HDGFL3: variants seen among roughly 807,000 people sequenced by gnomAD.
HDGFL3 encodes the protein HDGF like 3.
A neutral mutation model predicts 27.6 loss-of-function variants in HDGFL3; 6 were observed. That is an observed-to-expected ratio of 0.22 (90% CI 0.12 to 0.43). HDGFL3 has a LOEUF of 0.43. Among genes scored for constraint, HDGFL3 ranks in the 20% least tolerant of loss-of-function variants. HDGFL3 has a pLI of 1.00. For missense variants in HDGFL3, 207 were observed against 250.1 expected, an observed-to-expected ratio of 0.83 and a Z score of 1.16; for synonymous variants, 88 against 88.9, an observed-to-expected ratio of 0.99 and a Z score of 0.05.
chr15:83,164,036 T>C lies in HDGFL3; in HGVS notation c.124A>G (p.Asn42Asp). 1 of 1,611,738 alleles carries C rather than the reference T, an allele frequency of 6.2e-7. No individual in the cohort carries two copies. The highest frequency in any genetic ancestry group is 1.7e-5 in the Admixed American group (1 of 59,424). ...LPEGAVKPPA[N>D]KYPIFFFGTH... ...CCAAAAAAGAAGATAGGATACTTGT[T>C]TGCTGGAGGCTTCACAGCGCCCTCT... Residue 42 changes from asparagine (N) to aspartate (D), a missense_variant, in exon 2 of 6, where the codon AAC becomes GAC. By Grantham distance (23) the Asn-to-Asp change is conservative. Coordinates refer to ENST00000299633, the MANE Select transcript of HDGFL3 (RefSeq NM_016073.4).
In HDGFL3 at chr15:83,136,953, G is replaced by C. The variant is rs563764946; in HGVS notation, c.*2317C>G. On this transcript the variant is annotated 3_prime_UTR_variant, in exon 6 of 6. Transcript: ENST00000299633. ...TGTTTGACATATAAAATAATTATAA[G>C]TGTAAAAAATTACAATTTAGTGCCA... The C allele has an allele frequency of 3.5e-5, 8 of 227,376 alleles. No individual in the cohort carries two copies. Among genetic ancestry groups the C allele is most frequent in the Middle Eastern group, 3.2e-3 (2 of 618 alleles). The allele number at this position is 227,376 out of a possible 1,614,324, so 14.1% of individuals were successfully genotyped here.
chr15:83,184,523 TAATAA>T (rs2037416927), intron 1 of HDGFL3: 1 of 152,186 alleles, frequency 6.6e-6, no homozygotes, highest in Non-Finnish European at 1.5e-5. Context: ...TAATCACTGT[TAATAA>T]TATAATTACT....
rs1329454709 is a variant in HDGFL3, at chr15:83,132,217, C to T, written c.*7053G>A. On this transcript the variant is annotated 3_prime_UTR_variant, in exon 6 of 6. Coordinates refer to ENST00000299633, the MANE Select transcript of HDGFL3 (RefSeq NM_016073.4). Reference sequence around the variant, plus strand: ...ACAGCTATGTAACCCTTTGTTGCTACTATTACTGGTAGAAGATTCCCAGTA... The same window carrying T: ...ACAGCTATGTAACCCTTTGTTGCTATTATTACTGGTAGAAGATTCCCAGTA... 6.6e-6 allele frequency: 1 copy of T among 152,204 alleles called. No individual in the cohort carries two copies. Among genetic ancestry groups the T allele is most frequent in the East Asian group, 1.9e-4 (1 of 5,196 alleles). 9.4% of individuals were successfully genotyped at this position (152,204 alleles called of 1,614,324 possible). A position where few individuals can be genotyped will look rare whatever the true frequency, so the allele number is the denominator to read the frequency against.
chr15:83,145,176 C>T (rs923814802), intron 5 of HDGFL3, among the ~76,000 whole-genome samples: 1 of 152,072 alleles, frequency 6.6e-6, no homozygotes, highest in African/African-American at 2.4e-5. Context: ...TGCCCTTTAT[C>T]CTAGCTTACT....
At chr15:83,181,800 T>C (rs749386968) in intron 1 of HDGFL3, among the ~76,000 whole-genome samples, 9 of 152,138 alleles carry the variant, frequency 5.9e-5, no homozygotes, top group Non-Finnish European at 5.9e-5. Flanking sequence ...TTAAATTGAG[T>C]TGTCTGATCT....
At chr15:83,118,465 C>T (rs918307303) in intron 3 of HDGFL3, among the ~76,000 whole-genome samples, 7 of 152,166 alleles carry the variant, frequency 4.6e-5, no homozygotes, top group African/African-American at 1.4e-4. Context: ...AACCATAAAT[C>T]GGATGTATTC....
At chr15:83,196,863 G>A (rs2037576235) in intron 1 of HDGFL3, among the ~76,000 whole-genome samples, 2 of 152,180 alleles carry the variant, frequency 1.3e-5, no homozygotes, top group African/African-American at 4.8e-5. Flanking sequence ...TTTTCTCTAT[G>A]AAGTATGAAG....
At chr15:83,187,312 C>G (rs561302094) in intron 1 of HDGFL3, among the ~76,000 whole-genome samples, 1 of 151,868 alleles carries the variant, frequency 6.6e-6, no homozygotes, top group Non-Finnish European at 1.5e-5. Context: ...TAATCATATA[C>G]AAATGTTACA....
chr15:83,181,888 A>G (rs1485271776), intron 1 of HDGFL3, among the ~76,000 whole-genome samples: 3 of 152,202 alleles, frequency 2.0e-5, no homozygotes, highest in African/African-American at 7.2e-5. Flanking sequence ...CATAGATTCT[A>G]TTTTGAACAG....
chr15:83,199,499 T>C (rs922879651), intron 1 of HDGFL3, among the ~76,000 whole-genome samples: 1 of 152,176 alleles, frequency 6.6e-6, no homozygotes, highest in Non-Finnish European at 1.5e-5. Context: ...TGAGAAGTTA[T>C]TACTATGTGA....
intron 1 of HDGFL3, chr15:83,169,367 A>T (rs1239684491): frequency 9.4e-6 from 2 of 213,636 alleles, no homozygotes; most frequent in African/African-American, 5.3e-5. Flanking sequence ...GTGAGCCGAG[A>T]TCGCGCCACT....
At chr15:83,120,539 G>T (rs1465543127) in intron 3 of HDGFL3, among the ~76,000 whole-genome samples, 1 of 149,542 alleles carries the variant, frequency 6.7e-6, no homozygotes, top group Non-Finnish European at 1.5e-5. Flanking sequence ...GTTTACCCAA[G>T]TATCTCCCTC....
intron 1 of HDGFL3, among the ~76,000 whole-genome samples, chr15:83,197,862 C>T (rs945484947): frequency 6.6e-6 from 1 of 151,542 alleles, no homozygotes; most frequent in Admixed American, 6.6e-5. Context: ...GGCAAAACCC[C>T]ATCTCTACTA....
chr15:83,189,829 T>C (rs1278852695), intron 1 of HDGFL3, among the ~76,000 whole-genome samples: 1 of 152,222 alleles, frequency 6.6e-6, no homozygotes, highest in Non-Finnish European at 1.5e-5. Flanking sequence ...TCTGATTAAC[T>C]ACATTGAAAG....
intron 5 of HDGFL3, 119 bp from the exon 6 acceptor site, chr15:83,139,394 G>A (rs2036722892): frequency 2.0e-6 from 1 of 509,970 alleles, no homozygotes; most frequent in Non-Finnish European, 3.3e-6. Context: ...AATATGCACT[G>A]CAGCATTAAC....
rs747669782 is a variant in HDGFL3, at chr15:83,163,865, CATT to C, written c.161+131_161+133del. 3.8e-4 allele frequency: 241 copies of C among 629,188 alleles called. 2 individuals carry two copies. The highest frequency in any genetic ancestry group is 1.0e-3 in the Middle Eastern group (4 of 3,862). The allele number at this position is 629,188 out of a possible 1,614,324, so 39.0% of individuals were successfully genotyped here. On this transcript the variant is annotated intron_variant, in intron 2 of 5. Transcript: ENST00000299633. ...AAAACTATTTACATTAACAAAAATA[CATT>C]ATTAACTTTGGCAATTTTATATAAC...
intron 1 of HDGFL3, among the ~76,000 whole-genome samples, chr15:83,195,879 G>A (rs539893063): frequency 6.6e-6 from 1 of 152,114 alleles, no homozygotes; most frequent in East Asian, 1.9e-4. Context: ...GGATAAAGAT[G>A]TATTAGTGAA....
At chr15:83,115,545 AT>A in exon 4 of HDGFL3, 2 of 507,422 alleles carry the variant, frequency 3.9e-6, no homozygotes, top group Non-Finnish European at 7.5e-6. Context: ...GGAGTGGAGG[AT>A]GGGTGGAGTT....
At chr15:83,126,838 T>C, downstream of HDGFL3, 1 of 1,612,122 alleles carries the variant, frequency 6.2e-7, no homozygotes, top group Non-Finnish European at 8.5e-7. Context: ...CTGCTTATCC[T>C]AAAATTCAGG....
Sources: allele counts gnomAD v4.1 joint callset (sites outside exome capture counted in the v4.1 genomes callset), GRCh38; gene constraint gnomAD v4.1.1; transcripts MANE v1.5; gene names NCBI Gene and HGNC (gene_info 2026-07-23, HGNC 2026-07-21).